The following SLC31A1 variants were observed in gnomAD, a reference collection of about 807,000 sequenced individuals.
The protein encoded by SLC31A1 is solute carrier family 31 member 1, also known as high affinity copper uptake protein 1.
SLC31A1 carries 5 observed loss-of-function variants against 17.2 expected under a neutral mutation model. The ratio of observed to expected loss-of-function variants is 0.29; its 90% CI spans 0.15 to 0.61. The LOEUF (loss-of-function observed/expected upper bound fraction) is 0.61. Among genes scored for constraint, SLC31A1 ranks in the 20% least tolerant of loss-of-function variants. The pLI, the probability that SLC31A1 is intolerant of heterozygous loss-of-function variation, is 0.86. For synonymous variants in SLC31A1, 76 were observed against 78.8 expected (o/e 0.96, Z 0.19); for missense variants, 161 against 241.4 (o/e 0.67, Z 2.21).
chr9:113,244,949 C>G (rs1036940395), intron 1 of SLC31A1, among the ~76,000 whole-genome samples: 2 of 152,030 alleles, frequency 1.3e-5, no homozygotes, highest in African/African-American at 4.8e-5. Flanking sequence ...GTTGACCTGA[C>G]CTATTTTCTT....
Position 113,260,326 on chromosome 9 carries a change from G to A in SLC31A1, c.426G>A (p.Gln142=). The change falls in exon 5 of 5, where the codon CAG becomes CAA. Residue 142 remains glutamine (Q), a synonymous_variant. Coordinates refer to ENST00000374212, the MANE Select transcript of SLC31A1 (RefSeq NM_001859.4). The part of the protein sequence containing the change: ...HLLQTVLHII[Q]VVISYFLMLI... ...TGCAAACAGTGCTGCACATCATCCAGGTGGTCATAAGCTACTTCCTCATGC... is the reference window on the plus strand; with the variant it reads ...TGCAAACAGTGCTGCACATCATCCAAGTGGTCATAAGCTACTTCCTCATGC... The A allele has an allele frequency of 6.2e-7, 1 of 1,614,164 alleles. No homozygotes were observed. Among genetic ancestry groups the A allele is most frequent in the Non-Finnish European group, 8.5e-7 (1 of 1,180,032 alleles).
At chr9:113,255,818 A>G (rs1169615623) in intron 1 of SLC31A1, 7 of 178,796 alleles carry the variant, frequency 3.9e-5, no homozygotes, top group Non-Finnish European at 8.4e-5. Context: ...ATGAAAAATA[A>G]TTCTGAGTAA....
Position 113,221,678 on chromosome 9 carries a change from GGTAAGGCT to G in SLC31A1, c.-36+1_-36+8del. The G allele has an allele frequency of 3.3e-6, 1 of 303,060 alleles. No homozygotes were observed. The highest frequency in any genetic ancestry group is 2.9e-5 in the South Asian group (1 of 35,082). 18.8% of individuals were successfully genotyped at this position (303,060 alleles called of 1,614,324 possible). On this transcript the variant is annotated splice_donor_variant and splice_donor_5th_base_variant and intron_variant, in intron 1 of 4. Transcript: ENST00000374212. LOFTEE classifies it low-confidence loss of function (5UTR_SPLICE). ...CTAGTGGCTGGACTTGACCTGGAAA[GGTAAGGCT>G]TCTCTCGGCCCCTCTTTCGCACCCC...
chr9:113,259,650 T>C (rs1030002988), intron 4 of SLC31A1, among the ~76,000 whole-genome samples: 3 of 150,372 alleles, frequency 2.0e-5, no homozygotes, highest in African/African-American at 7.3e-5. Flanking sequence ...AGTGGCACTA[T>C]CTTGGCTCAC....
chr9:113,245,656 C>A (rs1023998057), intron 1 of SLC31A1, among the ~76,000 whole-genome samples: 4 of 150,804 alleles, frequency 2.7e-5, no homozygotes, highest in Non-Finnish European at 4.4e-5. Context: ...TTTTTTAAGA[C>A]AAGACATTCC....
intron 1 of SLC31A1, among the ~76,000 whole-genome samples, chr9:113,223,062 T>TA (rs5900046): frequency 0.14 from 20,221 of 147,254 alleles, 1,558 homozygotes; most frequent in East Asian, 0.34. Context: ...GCCTTTTCTT[T>TA]AAAAAAAAAA....
At chr9:113,227,379 A>T (rs1175501644) in intron 1 of SLC31A1, 1 of 151,954 alleles carries the variant, frequency 6.6e-6, no homozygotes, top group Non-Finnish European at 1.5e-5. Context: ...CAGCCTTTCG[A>T]GTAGCCGGGA....
Position 113,244,842 on chromosome 9 carries a change from G to A in SLC31A1, c.-35-11272G>A, listed in dbSNP as rs141635218. Among the ~76,000 whole-genome samples, 7 of 152,348 alleles carry A rather than the reference G, an allele frequency of 4.6e-5. No homozygotes were observed. The East Asian group carries it at 5.8e-4, about 13-fold the overall frequency. ...TAAGACTACAGTTGTAGCAAGTGCC[G>A]TGTGGACTGCTGTCACTTGACAGAC... On this transcript the variant is annotated intron_variant, in intron 1 of 4. Coordinates refer to ENST00000374212, the MANE Select transcript of SLC31A1 (RefSeq NM_001859.4).
intron 1 of SLC31A1, among the ~76,000 whole-genome samples, chr9:113,235,441 T>C (rs1831447119): frequency 6.6e-6 from 1 of 152,162 alleles, no homozygotes; most frequent in Non-Finnish European, 1.5e-5. Flanking sequence ...AAAAGTTAAG[T>C]TGCATATTGA....
At chr9:113,241,193 A>C (rs901634126) in intron 1 of SLC31A1, among the ~76,000 whole-genome samples, 5 of 152,212 alleles carry the variant, frequency 3.3e-5, no homozygotes, top group Admixed American at 1.3e-4. Context: ...GAGCTTAAAA[A>C]TCAGTGTATC....
In SLC31A1 at chr9:113,249,646, G is replaced by A. The variant is rs529721322; in HGVS notation, c.-35-6468G>A. On this transcript the variant is annotated intron_variant, in intron 1 of 4. Transcript: ENST00000374212. ...CTCCCAAAGTGCTGAGATTACAGGC[G>A]TGAGCCACCACACCCGGCCACAGTA... Among the ~76,000 whole-genome samples the A allele has an allele frequency of 1.2e-4, 19 of 152,224 alleles. No individual in the cohort carries two copies. The South Asian group carries it at 1.9e-3, about 15-fold the overall frequency.
At chr9:113,256,054 A>G in intron 1 of SLC31A1, 60 bp from the exon 2 acceptor site, 1 of 1,297,686 alleles carries the variant, frequency 7.7e-7, no homozygotes, top group South Asian at 1.4e-5. Flanking sequence ...CTAAAAATAA[A>G]AAAAAGAGAT....
chr9:113,251,080 T>C (rs1394806316), intron 1 of SLC31A1, among the ~76,000 whole-genome samples: 3 of 152,198 alleles, frequency 2.0e-5, no homozygotes, highest in Non-Finnish European at 2.9e-5. Flanking sequence ...TGAGGTATTC[T>C]GTTATAGCCA....
chr9:113,249,448 C>T (rs897605597), intron 1 of SLC31A1, among the ~76,000 whole-genome samples: 8 of 151,972 alleles, frequency 5.3e-5, no homozygotes, highest in Middle Eastern at 3.4e-3. Context: ...CTCACTGCAA[C>T]CCCCACCTCC....
At chr9:113,259,499 G>A (rs1831765420) in intron 4 of SLC31A1, among the ~76,000 whole-genome samples, 1 of 151,980 alleles carries the variant, frequency 6.6e-6, no homozygotes, top group South Asian at 2.1e-4. Flanking sequence ...CAGGGGATGA[G>A]TAGCCAGGTC....
chr9:113,258,454 G>A lies in SLC31A1; in HGVS notation c.203-240G>A. On this transcript the variant is annotated intron_variant, in intron 3 of 4. Coordinates refer to ENST00000374212, the MANE Select transcript of SLC31A1 (RefSeq NM_001859.4). This position sits in a 1 kb window ranked among gnomAD's most constrained non-coding sequence, Gnocchi z 4.8. ...CAAGCAGTCTGACCAAAAGGTTATT[G>A]TTGTTCTGATTATTTTTCTTATCTT... Among the ~76,000 whole-genome samples the A allele has an allele frequency of 6.6e-6, 1 of 152,116 alleles. No individual in the cohort carries two copies. The highest frequency in any genetic ancestry group is 1.9e-4 in the East Asian group (1 of 5,192).
Position 113,237,325 on chromosome 9 carries a change from A to G in SLC31A1, c.-36+15647A>G, listed in dbSNP as rs79297901. On this transcript the variant is annotated intron_variant, in intron 1 of 4. Coordinates refer to ENST00000374212, the MANE Select transcript of SLC31A1 (RefSeq NM_001859.4). ...GCTCCTCCTGGACAACTTAATGGGC[A>G]AGGATTTCATAGACTTGTCAGAGCA... Among the ~76,000 whole-genome samples the G allele has an allele frequency of 7.4e-3, 1,133 of 152,336 alleles. 6 individuals are homozygous for G. Among genetic ancestry groups the G allele is most frequent in the Admixed American group, 0.013 (203 of 15,306 alleles).
intron 1 of SLC31A1, among the ~76,000 whole-genome samples, chr9:113,253,410 C>G (rs1831683208): frequency 6.6e-6 from 1 of 152,032 alleles, no homozygotes; most frequent in African/African-American, 2.4e-5. Context: ...TGAGCATGGT[C>G]TTTATTTTAT....
chr9:113,231,032 G>A lies in SLC31A1; in HGVS notation c.-36+9354G>A, dbSNP rs533239325. Among the ~76,000 whole-genome samples, 7 of 152,194 alleles carry A rather than the reference G, an allele frequency of 4.6e-5. No homozygotes were observed. In the East Asian group the frequency reaches 1.3e-3, roughly 29 times the overall value. On this transcript the variant is annotated intron_variant, in intron 1 of 4. Coordinates refer to ENST00000374212, the MANE Select transcript of SLC31A1 (RefSeq NM_001859.4). ...ATAATACTTGTTGAGTTGAATTGAGGTAGATGTCAAAGTGATCTGACCTCA... is the reference window on the plus strand; with the variant it reads ...ATAATACTTGTTGAGTTGAATTGAGATAGATGTCAAAGTGATCTGACCTCA...
Sources: allele counts gnomAD v4.1 joint callset (sites outside exome capture counted in the v4.1 genomes callset), GRCh38; gene constraint gnomAD v4.1.1; non-coding constraint Gnocchi (gnomAD v3.1); transcripts MANE v1.5; gene names NCBI Gene and HGNC (gene_info 2026-07-23, HGNC 2026-07-21).